MTOR: variants seen among roughly 807,000 people sequenced by gnomAD.
MTOR encodes serine/threonine-protein kinase mTOR.
A neutral mutation model predicts 319.8 loss-of-function variants in MTOR; 70 were observed. The observed-to-expected ratio is 0.22, with a 90% CI of 0.18 to 0.27. The LOEUF is 0.27. Among genes scored for constraint, MTOR ranks in the 10% least tolerant of loss-of-function variants. MTOR has a pLI of 1.00. For missense variants in MTOR, 1,890 were observed against 3,274.4 expected (o/e 0.58, Z 10.32); for synonymous variants, 1,183 against 1,211.4 (o/e 0.98, Z 0.49).
intron 19 of MTOR, among the ~76,000 whole-genome samples, chr1:11,218,662 G>T (rs1426788089): frequency 1.3e-5 from 2 of 152,058 alleles, no homozygotes; most frequent in African/African-American, 2.4e-5. Context: ...GCATTTCCGT[G>T]GCTTATTCAT....
At position 11,128,351 on chromosome 1, in the gene MTOR, A is replaced by G. The variant is rs1642951499; in HGVS notation, c.5910+103T>C. ...AGACCCTCCTGGGCCAGGATGGAAC[A>G]CATGGCTCCCAGTTCCTGCGCTTGT... On this transcript the variant is annotated intron_variant, in intron 42 of 57. Transcript: ENST00000361445. This position sits in a 1 kb window ranked among gnomAD's most constrained non-coding sequence, Gnocchi z 5.3. The G allele has an allele frequency of 7.6e-7, 1 of 1,316,064 alleles. No individual in the cohort carries two copies. Among genetic ancestry groups the G allele is most frequent in the Non-Finnish European group, 1.1e-6 (1 of 926,320 alleles). The allele number at this position is 1,316,064 out of a possible 1,614,324, so 81.5% of individuals were successfully genotyped here. A position where few individuals can be genotyped will look rare whatever the true frequency, so the allele number is the denominator to read the frequency against.
rs768155497 is a variant in MTOR, at chr1:11,256,194, TG to T, written c.505-3del. 2 of 1,612,658 alleles carry T rather than the reference TG, an allele frequency of 1.2e-6. No individual in the cohort carries two copies. Among genetic ancestry groups the T allele is most frequent in the Non-Finnish European group, 8.5e-7 (1 of 1,179,474 alleles). Reference sequence around the variant, plus strand: ...GGCCAGCTCACGGAGAACCAGGACCTGGAGAAAAAAGCAAACCGAGAACTCT... The same window carrying T: ...GGCCAGCTCACGGAGAACCAGGACCTGAGAAAAAAGCAAACCGAGAACTCT... On this transcript the variant is annotated splice_region_variant and splice_polypyrimidine_tract_variant and intron_variant, in intron 4 of 57. Transcript: ENST00000361445.
intron 28 of MTOR, among the ~76,000 whole-genome samples, chr1:11,172,557 CA>C (rs767483973): frequency 0.049 from 2,730 of 56,286 alleles, 68 homozygotes; most frequent in African/African-American, 0.14. Context: ...GACTCTGTCT[CA>C]AAAAAAAAAA....
rs2100430794 is a variant in MTOR, at chr1:11,130,605, C to T, written c.5537G>A (p.Gly1846Asp). 1.2e-6 allele frequency: 2 copies of T among 1,613,856 alleles called. No homozygotes were observed. The highest frequency in any genetic ancestry group is 1.1e-5 in the South Asian group (1 of 91,060). Residue 1846 changes from glycine (G) to aspartate (D), a missense_variant, in exon 39 of 58, where the codon GGC (glycine) becomes GAC (aspartate). Coordinates refer to ENST00000361445, the MANE Select transcript of MTOR (RefSeq NM_004958.4). Reference protein sequence around the residue: ...ATATTTASTEGSNSESEAEST... With the variant: ...ATATTTASTEDSNSESEAEST... ...CTCGGCCTCGCTCTCACTGTTGCTG[C>T]CCTCGGTGCTGGCAGTGGTGGTGGC...
chr1:11,211,992 C>T (rs1260095908), intron 23 of MTOR, among the ~76,000 whole-genome samples: 1 of 152,130 alleles, frequency 6.6e-6, no homozygotes, highest in East Asian at 1.9e-4. Context: ...TCTTCTCTGT[C>T]TACCCTAAAT....
At chr1:11,223,044 C>T (rs554023755) in intron 19 of MTOR, among the ~76,000 whole-genome samples, 2 of 152,208 alleles carry the variant, frequency 1.3e-5, no homozygotes, top group South Asian at 4.1e-4. Context: ...AGAACAGAAC[C>T]TGAATCTAAT....
At position 11,206,455 on chromosome 1, in the gene MTOR, CG is replaced by C. The variant is rs1646141757; in HGVS notation, c.3802-1753del. On this transcript the variant is annotated intron_variant, in intron 25 of 57. Transcript: ENST00000361445. ...AATTACTTAACCCGTCAGTGCCTCA[CG>C]GTCCACATCTGTAAAGTGGGACAGC... Among the ~76,000 whole-genome samples the C allele has an allele frequency of 2.0e-5, 3 of 152,134 alleles. No homozygotes were observed. The East Asian group carries it at 5.8e-4, about 29-fold the overall frequency.
At chr1:11,112,378 TCA>T (rs904694589) in intron 54 of MTOR, among the ~76,000 whole-genome samples, 3 of 152,224 alleles carry the variant, frequency 2.0e-5, no homozygotes, top group Non-Finnish European at 4.4e-5. Context: ...GATAAAAATC[TCA>T]GAGCTTCAGG....
intron 28 of MTOR, among the ~76,000 whole-genome samples, chr1:11,170,505 C>G (rs1644778752): frequency 6.6e-6 from 1 of 151,812 alleles, no homozygotes; most frequent in Non-Finnish European, 1.5e-5. Context: ...TGCTTGAGCT[C>G]AGGAGTTTTA....
At chr1:11,192,421 C>T (rs773696473) in intron 28 of MTOR, 2 of 1,435,224 alleles carry the variant, frequency 1.4e-6, no homozygotes, top group African/African-American at 1.4e-5. Flanking sequence ...CCTTCACCCC[C>T]TCAAGGGGAC....
At chr1:11,174,803 C>A (rs1235392503) in intron 28 of MTOR, among the ~76,000 whole-genome samples, 1 of 152,152 alleles carries the variant, frequency 6.6e-6, no homozygotes, top group East Asian at 1.9e-4. Context: ...CTTGGGTGCC[C>A]CTCAGTCTTT....
intron 19 of MTOR, 55 bp from the exon 20 acceptor site, chr1:11,216,289 GGCTTACCTTAA>G (rs777861057): frequency 2.7e-5 from 37 of 1,368,788 alleles, no homozygotes; most frequent in Non-Finnish European, 3.6e-5. Context: ...TGAACCCCCA[GGCTTACCTTAA>G]GCTCATGTGA....
At chr1:11,177,914 C>A (rs557242919) in intron 28 of MTOR, among the ~76,000 whole-genome samples, 1 of 152,140 alleles carries the variant, frequency 6.6e-6, no homozygotes, top group Non-Finnish European at 1.5e-5. Context: ...CTTTTACCTG[C>A]GCATATTCTG....
chr1:11,250,079 G>A (rs1326229449), intron 6 of MTOR, among the ~76,000 whole-genome samples: 42 of 140,322 alleles, frequency 3.0e-4, no homozygotes, highest in Non-Finnish European at 5.3e-4. Flanking sequence ...CGGACGGGGC[G>A]GCTGGCCGGG....
intron 5 of MTOR, among the ~76,000 whole-genome samples, chr1:11,255,155 C>A (rs1359899800): frequency 6.6e-6 from 1 of 151,884 alleles, no homozygotes; most frequent in Non-Finnish European, 1.5e-5. Context: ...GAGGTCAAGG[C>A]AGGTGGATCA....
intron 29 of MTOR, 26 bp downstream of exon 29, chr1:11,167,416 T>G: frequency 6.2e-7 from 1 of 1,603,554 alleles, no homozygotes; most frequent in South Asian, 1.1e-5. Flanking sequence ...TACCTCCTGC[T>G]TTTCCAAAAA....
At chr1:11,108,073 C>T in intron 57 of MTOR, 108 bp downstream of exon 57, 1 of 776,118 alleles carries the variant, frequency 1.3e-6, no homozygotes, top group Non-Finnish European at 2.2e-6. Context: ...GCTCTAACTG[C>T]CCTTTACAGA....
intron 28 of MTOR, among the ~76,000 whole-genome samples, chr1:11,172,399 T>C (rs540375491): frequency 3.3e-4 from 48 of 146,490 alleles, no homozygotes; most frequent in African/African-American, 1.2e-3. Flanking sequence ...CTACTAAAAA[T>C]ACAAAAAAGT....
intron 28 of MTOR, among the ~76,000 whole-genome samples, chr1:11,186,931 T>G (rs966467792): frequency 1.8e-4 from 27 of 152,230 alleles, no homozygotes; most frequent in African/African-American, 6.5e-4. Context: ...TATTGCCTTA[T>G]GTTAGAAATA....
Sources: allele counts gnomAD v4.1 joint callset (sites outside exome capture counted in the v4.1 genomes callset), GRCh38; gene constraint gnomAD v4.1.1; non-coding constraint Gnocchi (gnomAD v3.1); transcripts MANE v1.5; gene names NCBI Gene and HGNC (gene_info 2026-07-23, HGNC 2026-07-21).